Variants in ZNF423 observed in about 807,000 individuals in gnomAD.
ZNF423 encodes the protein Ebf-associated zinc finger protein.
In ZNF423, 12 loss-of-function variants were observed where a neutral mutation model predicts 95.8. That is an observed-to-expected ratio of 0.13 (90% CI 0.08 to 0.20). The LOEUF (loss-of-function observed/expected upper bound fraction) is 0.20, where lower values mean the gene tolerates loss of function less well. ZNF423 is among the 10% of genes least tolerant of loss of function. The pLI, the probability that ZNF423 is intolerant of heterozygous loss-of-function variation, is 1.00. For synonymous variants in ZNF423, 749 were observed against 711.9 expected, an observed-to-expected ratio of 1.05 and a Z score of -0.83; for missense variants, 1,316 against 1,737.1, an observed-to-expected ratio of 0.76 and a Z score of 4.31.
intron 2 of ZNF423, among the ~76,000 whole-genome samples, chr16:49,779,770 C>T (rs910434115): frequency 3.3e-5 from 5 of 152,186 alleles, no homozygotes; most frequent in African/African-American, 1.2e-4. Context: ...AAACAGCCAA[C>T]ACCAAAGAGA....
In ZNF423 at chr16:49,853,571, G is replaced by A. The variant is rs185707651; in HGVS notation, c.40+2164C>T. Reference sequence around the variant, plus strand: ...GCTGATATTTACAACACCGAGTCTCGAAATGCCTCCACTGGTCTCCTGTTC... The same window carrying A: ...GCTGATATTTACAACACCGAGTCTCAAAATGCCTCCACTGGTCTCCTGTTC... On this transcript the variant is annotated intron_variant, in intron 1 of 7. Coordinates refer to ENST00000563137, the MANE Select transcript of ZNF423 (RefSeq NM_001379286.1). The A allele has an allele frequency of 4.3e-6, 4 of 925,882 alleles. No homozygotes were observed. In the East Asian group the frequency reaches 3.5e-4, roughly 82 times the overall value. 57.4% of individuals were successfully genotyped at this position (925,882 alleles called of 1,614,324 possible). A position where few individuals can be genotyped will look rare whatever the true frequency, so the allele number is the denominator to read the frequency against.
intron 1 of ZNF423, among the ~76,000 whole-genome samples, chr16:49,817,247 G>A (rs981410584): frequency 2.0e-5 from 3 of 152,186 alleles, no homozygotes; most frequent in Admixed American, 1.3e-4. Context: ...GGGAGAGCAG[G>A]GGGAGGCAGG....
At chr16:49,645,983 C>T (rs543145065) in intron 3 of ZNF423, among the ~76,000 whole-genome samples, 95 of 152,316 alleles carry the variant, frequency 6.2e-4, no homozygotes, top group African/African-American at 2.2e-3. Flanking sequence ...AACCTCTTTC[C>T]TTCATAAATT....
intron 3 of ZNF423, among the ~76,000 whole-genome samples, chr16:49,729,340 T>C (rs1229672064): frequency 6.6e-6 from 1 of 152,210 alleles, no homozygotes; most frequent in Non-Finnish European, 1.5e-5. Context: ...ATCTATAATA[T>C]TATTCCTCAA....
intron 3 of ZNF423, among the ~76,000 whole-genome samples, chr16:49,647,932 G>C (rs576674639): frequency 2.1e-4 from 32 of 152,276 alleles, no homozygotes; most frequent in Non-Finnish European, 4.1e-4. Context: ...CTCTGGAATT[G>C]GGCAGCGATC....
intron 5 of ZNF423, among the ~76,000 whole-genome samples, chr16:49,582,987 C>A (rs1196022056): frequency 4.6e-5 from 7 of 152,202 alleles, no homozygotes; most frequent in African/African-American, 1.7e-4. Flanking sequence ...ATGTATGGAA[C>A]CCCTCTGAAG....
chr16:49,556,357 G>A (rs1969826048), intron 5 of ZNF423, among the ~76,000 whole-genome samples: 2 of 152,152 alleles, frequency 1.3e-5, no homozygotes, highest in African/African-American at 4.8e-5. Flanking sequence ...ACCCTAGGCA[G>A]AATCAGATGC....
At position 49,636,461 on chromosome 16, in the gene ZNF423, C is replaced by T. The variant is rs1213334234; in HGVS notation, c.2715G>A (p.Met905Ile). ...GCDICGAAYT[M>I]EVLLQNHRLR... ...GCCGGTGATTCTGCAGCAGCACCTC[C>T]ATGGTGTAGGCCGCCCCACAGATGT... The change falls in exon 4 of 8, where the codon ATG becomes ATA. Residue 905 changes from methionine (M) to isoleucine (I), a missense_variant. Physicochemically the swap from Met to Ile is conservative, Grantham distance 10. Transcript: ENST00000563137. The surrounding 1 kb of genome is among the most constrained non-coding windows in gnomAD (Gnocchi z 8.6). The T allele has an allele frequency of 8.7e-6, 14 of 1,613,458 alleles. No individual in the cohort carries two copies. The highest frequency in any genetic ancestry group is 1.2e-5 in the Non-Finnish European group (14 of 1,180,024).
rs188114370 is a variant in ZNF423 at position 49,791,027 on chromosome 16, A to G, written c.41-1481T>C. ...TGCAATCTACCCCCTTGACTATGTA[A>G]CCATGGTCTTCCTCCTCCCCAAAGC... On this transcript the variant is annotated intron_variant, in intron 1 of 7. Coordinates refer to ENST00000563137, the MANE Select transcript of ZNF423 (RefSeq NM_001379286.1). Among the ~76,000 whole-genome samples the G allele has an allele frequency of 8.3e-3, 1,269 of 152,060 alleles. 4 individuals are homozygous for G. Among genetic ancestry groups the G allele is most frequent in the Middle Eastern group, 0.024 (7 of 292 alleles).
rs546769621 is a variant in ZNF423, at chr16:49,527,508, T to C, written c.3602-2014A>G. ...CCCCTGCACAAACAACATTGCCCAG[T>C]GCCTGGCACAGGGTGTAGGATCAAG... On this transcript the variant is annotated intron_variant, in intron 5 of 7. Coordinates refer to ENST00000563137, the MANE Select transcript of ZNF423 (RefSeq NM_001379286.1). 5.3e-5 allele frequency among the ~76,000 whole-genome samples: 8 copies of C among 152,122 alleles called. No homozygotes were observed. The South Asian group carries it at 1.7e-3, about 32-fold the overall frequency.
At position 49,692,324 on chromosome 16, in the gene ZNF423, A is replaced by C. The variant is rs76889623; in HGVS notation, c.301+38447T>G. Among the ~76,000 whole-genome samples the C allele has an allele frequency of 4.0e-3, 608 of 152,202 alleles. 8 individuals are homozygous for C. The highest frequency in any genetic ancestry group is 0.014 in the African/African-American group (565 of 41,522). On this transcript the variant is annotated intron_variant, in intron 3 of 7. Coordinates refer to ENST00000563137, the MANE Select transcript of ZNF423 (RefSeq NM_001379286.1). ...CCCATGGGCTATAAGGGGGAAAACG[A>C]TGAGGCTTTCTCCTTCCCCACTCCT...
chr16:49,665,628 T>G (rs1023322044), intron 3 of ZNF423, among the ~76,000 whole-genome samples: 1 of 151,958 alleles, frequency 6.6e-6, no homozygotes, highest in Non-Finnish European at 1.5e-5. Flanking sequence ...CCTCCTCCGC[T>G]CCTCACTCTC....
intron 3 of ZNF423, among the ~76,000 whole-genome samples, chr16:49,712,822 T>G (rs761920257): frequency 1.3e-5 from 2 of 152,370 alleles, no homozygotes; most frequent in Non-Finnish European, 2.9e-5. Flanking sequence ...GCTCCGCGGA[T>G]GCATCCTTGA....
At chr16:49,806,428 C>A (rs575359159) in intron 1 of ZNF423, among the ~76,000 whole-genome samples, 17 of 152,372 alleles carry the variant, frequency 1.1e-4, no homozygotes, top group African/African-American at 3.8e-4. Flanking sequence ...ACCCCACTCT[C>A]TTTCCTTCTT....
chr16:49,521,415 T>C (rs1286833549), intron 7 of ZNF423, among the ~76,000 whole-genome samples: 6 of 152,176 alleles, frequency 3.9e-5, no homozygotes, highest in Admixed American at 1.3e-4. Context: ...GTAAGGCAGG[T>C]AGGATAAGGC....
chr16:49,507,864 G>A (rs1478099846), intron 7 of ZNF423, among the ~76,000 whole-genome samples: 15 of 152,342 alleles, frequency 9.8e-5, no homozygotes, highest in African/African-American at 3.1e-4. Context: ...AATAAGCCAG[G>A]TAAGGAAGGC....
chr16:49,852,148 A>T (rs2035308840), intron 1 of ZNF423, among the ~76,000 whole-genome samples: 1 of 152,122 alleles, frequency 6.6e-6, no homozygotes, highest in Non-Finnish European at 1.5e-5. Context: ...CCAAATTTAT[A>T]AGATGGACTT....
chr16:49,851,016 A>C (rs1316408675), intron 1 of ZNF423, among the ~76,000 whole-genome samples: 1 of 152,216 alleles, frequency 6.6e-6, no homozygotes, highest in African/African-American at 2.4e-5. Flanking sequence ...CTCAGAGCCG[A>C]AAGGCTCTGT....
intron 5 of ZNF423, among the ~76,000 whole-genome samples, chr16:49,586,597 C>G (rs948089138): frequency 5.9e-5 from 9 of 152,252 alleles, no homozygotes; most frequent in Non-Finnish European, 1.0e-4. Flanking sequence ...TGTGCCAGCT[C>G]CGAGCGGCAG....
Sources: gnomAD v4.1 joint callset for allele counts (sites outside exome capture counted in the v4.1 genomes callset) on GRCh38, gnomAD v4.1.1 for gene constraint, Gnocchi (gnomAD v3.1) non-coding constraint, MANE v1.5 for transcripts, NCBI Gene and HGNC (gene_info 2026-07-23, HGNC 2026-07-21) for gene names.